The following DNM2 variants were observed in gnomAD, a reference collection of about 807,000 sequenced individuals.
DNM2 encodes the protein dynamin 2.
A neutral mutation model predicts 99.0 loss-of-function variants in DNM2; 15 were observed. That is an observed-to-expected ratio of 0.15 (90% CI 0.10 to 0.23). The LOEUF (loss-of-function observed/expected upper bound fraction) is 0.23, where lower values mean the gene tolerates loss of function less well. DNM2 is among the 10% of genes least tolerant of loss of function. The pLI, the probability that DNM2 is intolerant of heterozygous loss-of-function variation, is 1.00. For missense variants in DNM2, 742 were observed against 1,189.4 expected (o/e 0.62, Z 5.53); for synonymous variants, 525 against 481.2 (o/e 1.09, Z -1.19).
intron 1 of DNM2, among the ~76,000 whole-genome samples, chr19:10,754,037 C>T (rs966557030): frequency 3.9e-5 from 6 of 152,052 alleles, no homozygotes; most frequent in South Asian, 2.1e-4. Flanking sequence ...TTAGGTTGAA[C>T]GTAATTTATA....
At position 10,782,839 on chromosome 19, in the gene DNM2, T is replaced by C. The variant is rs554796766; in HGVS notation, c.689-121T>C. Reference sequence around the variant, plus strand: ...TGTGTTGTTTCTGAGTAACATGTTATGACAGCTGTGAGTGCCTCGTGGGAC... The same window carrying C: ...TGTGTTGTTTCTGAGTAACATGTTACGACAGCTGTGAGTGCCTCGTGGGAC... On this transcript the variant is annotated intron_variant, in intron 5 of 20. Transcript: ENST00000389253. 289 of 1,360,680 alleles carry C rather than the reference T, an allele frequency of 2.1e-4. 1 individual carries two copies. In the South Asian group the frequency reaches 3.2e-3, roughly 15 times the overall value. 84.3% of individuals were successfully genotyped at this position (1,360,680 alleles called of 1,614,324 possible).
chr19:10,792,311 C>G (rs755610384), intron 7 of DNM2, among the ~76,000 whole-genome samples: 1 of 152,248 alleles, frequency 6.6e-6, no homozygotes, highest in East Asian at 1.9e-4. Context: ...ACAGTGGTCA[C>G]CATTTGAGCA....
In DNM2 at chr19:10,772,543, G is replaced by A; in HGVS notation, c.300G>A (p.Glu100=). The change falls in exon 3 of 21, where the codon GAG becomes GAA. Residue 100 remains glutamate (E), a synonymous_variant. Coordinates refer to ENST00000389253, the MANE Select transcript of DNM2 (RefSeq NM_001005361.3). The surrounding 1 kb of genome is among the most constrained non-coding windows in gnomAD (Gnocchi z 4.9). ...KFTDFDEVRQ[E]IEAETDRVTG... The stretch of plus-strand genomic sequence containing the variant: ...CAGACTTTGATGAAGTCCGGCAGGA[G>A]ATTGAAGCAGAGACCGACAGGGTCA... 1 of 1,614,188 alleles carries A rather than the reference G, an allele frequency of 6.2e-7. No individual in the cohort carries two copies. Among genetic ancestry groups the A allele is most frequent in the Non-Finnish European group, 8.5e-7 (1 of 1,180,046 alleles).
intron 1 of DNM2, among the ~76,000 whole-genome samples, chr19:10,745,036 C>T (rs943514022): frequency 6.6e-6 from 1 of 152,164 alleles, no homozygotes; most frequent in African/African-American, 2.4e-5. Flanking sequence ...GTTATAAAAG[C>T]CTGACATTCA....
rs1568309121 is a variant in DNM2, at chr19:10,802,291, C to A, written c.1426C>A (p.Leu476Ile). Residue 476 changes from leucine (L) to isoleucine (I), a missense_variant, in exon 12 of 21, where the codon CTT (leucine) becomes ATT (isoleucine). By Grantham distance (5) the Leu-to-Ile change is conservative (BLOSUM62 2). Coordinates refer to ENST00000389253, the MANE Select transcript of DNM2 (RefSeq NM_001005361.3). Reference protein sequence around the residue: ...EREGRTKDQILLLIDIEQSYI... With the variant: ...EREGRTKDQIILLIDIEQSYI... ...AGTGACCCCCGCTCTCCCCCAGATTCTTCTGCTGATCGACATTGAGCAGTC... is the reference window on the plus strand; with the variant it reads ...AGTGACCCCCGCTCTCCCCCAGATTATTCTGCTGATCGACATTGAGCAGTC... The A allele has an allele frequency of 6.2e-7, 1 of 1,614,174 alleles. No homozygotes were observed. The highest frequency in any genetic ancestry group is 8.5e-7 in the Non-Finnish European group (1 of 1,180,046).
At chr19:10,733,962 C>T (rs1172203006) in intron 1 of DNM2, among the ~76,000 whole-genome samples, 1 of 151,400 alleles carries the variant, frequency 6.6e-6, no homozygotes, top group East Asian at 1.9e-4. Flanking sequence ...GAGCCGAGAT[C>T]GCGCCACTGT....
chr19:10,814,311 A>G (rs2072659148), intron 15 of DNM2, among the ~76,000 whole-genome samples: 1 of 152,108 alleles, frequency 6.6e-6, no homozygotes, highest in South Asian at 2.1e-4. Flanking sequence ...CTAAAAATAC[A>G]AAATTAATCT....
At chr19:10,802,451 GGT>G in intron 12 of DNM2, 93 bp downstream of exon 12, 1 of 1,409,578 alleles carries the variant, frequency 7.1e-7, no homozygotes, top group East Asian at 2.3e-5. Flanking sequence ...TGAGAGGGCA[GGT>G]GTCAGACAGT....
intron 1 of DNM2, among the ~76,000 whole-genome samples, chr19:10,731,467 C>G (rs537863167): frequency 6.6e-6 from 1 of 152,084 alleles, no homozygotes; most frequent in South Asian, 2.1e-4. Context: ...ATTCTCCTGC[C>G]TCAGCCTCCT....
chr19:10,746,727 G>GTTTTTTTTTTTTTTTTTTT lies in DNM2; in HGVS notation c.162-13005_162-13004insTTTTTTTTTTTTTTTTTTT, dbSNP rs757494612. ...GAGCAACCGTGCCGGCTTTTTTTTTGTTTTTTGTTTTTTTTTTTTTTGAGA... is the reference window on the plus strand; with the variant it reads ...GAGCAACCGTGCCGGCTTTTTTTTTGTTTTTTTTTTTTTTTTTTTTTTTTTGTTTTTTTTTTTTTTGAGA... On this transcript the variant is annotated intron_variant, in intron 1 of 20. Coordinates refer to ENST00000389253, the MANE Select transcript of DNM2 (RefSeq NM_001005361.3). 2.6e-5 allele frequency among the ~76,000 whole-genome samples: 3 copies of GTTTTTTTTTTTTTTTTTTT among 116,210 alleles called. 1 individual carries two copies. The highest frequency in any genetic ancestry group is 5.0e-5 in the Non-Finnish European group (3 of 60,032). 76.2% of individuals were successfully genotyped at this position (116,210 alleles called of 152,430 possible).
In DNM2 at chr19:10,796,172, C is replaced by T; in HGVS notation, c.1196+733C>T. ...TCGACCTGGTTATCCAGGAGCTAAT[C>T]AATACAGTTAGGCAGTGTACCAGTA... On this transcript the variant is annotated intron_variant, in intron 9 of 20. Transcript: ENST00000389253. This position sits in a 1 kb window ranked among gnomAD's most constrained non-coding sequence, Gnocchi z 5.6. The T allele has an allele frequency of 6.2e-7, 1 of 1,614,142 alleles. No individual in the cohort carries two copies. The highest frequency in any genetic ancestry group is 8.5e-7 in the Non-Finnish European group (1 of 1,180,038).
At position 10,772,979 on chromosome 19, in the gene DNM2, G is replaced by GTTTT. The variant is rs370019989; in HGVS notation, c.385+366_385+369dup. Among the ~76,000 whole-genome samples the GTTTT allele has an allele frequency of 2.4e-5, 3 of 123,906 alleles. No homozygotes were observed. The highest frequency in any genetic ancestry group is 2.5e-4 in the South Asian group (1 of 3,938). 81.3% of individuals were successfully genotyped at this position (123,906 alleles called of 152,430 possible). On this transcript the variant is annotated intron_variant, in intron 3 of 20. Transcript: ENST00000389253. The surrounding 1 kb of genome is among the most constrained non-coding windows in gnomAD (Gnocchi z 4.9). Reference sequence around the variant, plus strand: ...ACCAGTCTTCTGTAAAATATCCTGGGTTTTTTTTTTTTTTTTTTGAGACAG... The same window carrying GTTTT: ...ACCAGTCTTCTGTAAAATATCCTGGGTTTTTTTTTTTTTTTTTTTTTTGAGACAG...
At position 10,816,698 on chromosome 19, in the gene DNM2, G is replaced by T. The variant is rs534042088; in HGVS notation, c.1672-3282G>T. On this transcript the variant is annotated intron_variant, in intron 15 of 20. Transcript: ENST00000389253. The surrounding 1 kb of genome is among the most constrained non-coding windows in gnomAD (Gnocchi z 4.6). ...GTGCCCTGCCTTTCAGTTCAGGGCT[G>T]TGGGGACCTTCCAGGGTCCCCTGGG... 3.9e-5 allele frequency among the ~76,000 whole-genome samples: 6 copies of T among 152,334 alleles called. No individual in the cohort carries two copies. The East Asian group carries it at 1.2e-3, about 29-fold the overall frequency.
intron 1 of DNM2, among the ~76,000 whole-genome samples, chr19:10,746,572 C>T (rs1045186930): frequency 6.6e-6 from 1 of 151,878 alleles, no homozygotes; most frequent in African/African-American, 2.4e-5. Flanking sequence ...TACAGGCATG[C>T]ACCACACCTG....
At chr19:10,766,756 C>T (rs1301602652) in intron 2 of DNM2, among the ~76,000 whole-genome samples, 3 of 152,084 alleles carry the variant, frequency 2.0e-5, no homozygotes, top group African/African-American at 7.2e-5. Flanking sequence ...TTAGGAGGCC[C>T]TGTGGTGGGC....
chr19:10,798,942 C>T (rs527420703), intron 11 of DNM2, among the ~76,000 whole-genome samples: 1 of 152,222 alleles, frequency 6.6e-6, no homozygotes, highest in Non-Finnish European at 1.5e-5. Flanking sequence ...ACCCACAGGC[C>T]AGGCTGGGTG....
In DNM2 at chr19:10,765,363, G is replaced by T. The variant is rs1313588169; in HGVS notation, c.235+5552G>T. On this transcript the variant is annotated intron_variant, in intron 2 of 20. Coordinates refer to ENST00000389253, the MANE Select transcript of DNM2 (RefSeq NM_001005361.3). The surrounding 1 kb of genome is among the most constrained non-coding windows in gnomAD (Gnocchi z 4.4). ...CGCCGAGCAGGTGCTCCGCATGCAC[G>T]GCCGAGTGAACGAGCTCAAAGGGCT... Among the ~76,000 whole-genome samples the T allele has an allele frequency of 6.6e-6, 1 of 152,242 alleles. No homozygotes were observed. Among genetic ancestry groups the T allele is most frequent in the African/African-American group, 2.4e-5 (1 of 41,464 alleles).
chr19:10,727,515 G>A (rs187393634), intron 1 of DNM2, among the ~76,000 whole-genome samples: 3 of 152,124 alleles, frequency 2.0e-5, no homozygotes, highest in Non-Finnish European at 2.9e-5. Flanking sequence ...ACAGGTGTGC[G>A]CCACCACCCC....
rs755163979 is a variant in DNM2 at position 10,829,185 on chromosome 19, C to T, written c.2208C>T (p.Ile736=). 1.7e-5 allele frequency: 28 copies of T among 1,614,046 alleles called. No homozygotes were observed. The highest frequency in any genetic ancestry group is 2.4e-5 in the Non-Finnish European group (28 of 1,180,036). The change falls in exon 19 of 21, where the codon ATC becomes ATT. Residue 736 remains isoleucine, a synonymous_variant. Transcript: ENST00000389253. ...CCCTCAAGGAGGCGCTCAACATCAT[C>T]GGTGACATCAGCACCAGCACTGTGT... ...YHALKEALNI[I]GDISTSTVST...
Sources: allele counts gnomAD v4.1 joint callset (sites outside exome capture counted in the v4.1 genomes callset), GRCh38; gene constraint gnomAD v4.1.1; non-coding constraint Gnocchi (gnomAD v3.1); transcripts MANE v1.5; gene names NCBI Gene and HGNC (gene_info 2026-07-23, HGNC 2026-07-21).